The following ADAMTSL1 variants were observed in gnomAD, a reference collection of about 807,000 sequenced individuals.
ADAMTSL1 encodes ADAMTS-like protein 1.
In ADAMTSL1, 126 loss-of-function variants were observed where a neutral mutation model predicts 201.8. The observed-to-expected ratio is 0.62, with a 90% CI of 0.54 to 0.72. The LOEUF (loss-of-function observed/expected upper bound fraction) is 0.72. Among genes scored for constraint, ADAMTSL1 ranks in the 30% least tolerant of loss-of-function variants. The pLI, the probability that ADAMTSL1 is intolerant of heterozygous loss-of-function variation, is 0.00. For synonymous variants in ADAMTSL1, 1,121 were observed against 903.4 expected, an observed-to-expected ratio of 1.24 and a Z score of -4.32; for missense variants, 2,679 against 2,277.8, an observed-to-expected ratio of 1.18 and a Z score of -3.59.
chr9:18,864,718 A>G (rs1477000433), intron 23 of ADAMTSL1, among the ~76,000 whole-genome samples: 1 of 152,188 alleles, frequency 6.6e-6, no homozygotes, highest in Non-Finnish European at 1.5e-5. Flanking sequence ...ACAGAAGCCA[A>G]TGTAAAATCA....
intron 2 of ADAMTSL1, among the ~76,000 whole-genome samples, chr9:18,405,057 C>G (rs1372949798): frequency 1.3e-5 from 2 of 152,130 alleles, no homozygotes; most frequent in Non-Finnish European, 2.9e-5. Context: ...CCGCAACTGG[C>G]CCCTAAATAC....
chr9:18,595,756 C>G (rs1374285070), intron 4 of ADAMTSL1, among the ~76,000 whole-genome samples: 2 of 152,228 alleles, frequency 1.3e-5, no homozygotes, highest in African/African-American at 4.8e-5. Flanking sequence ...TTCTGGACCC[C>G]TTGGCAGATG....
rs1330615801 is a variant in ADAMTSL1, at chr9:18,051,077, A to G, written c.88-112785A>G. Among the ~76,000 whole-genome samples, 3 of 152,146 alleles carry G rather than the reference A, an allele frequency of 2.0e-5. No individual in the cohort carries two copies. The East Asian group carries it at 5.8e-4, about 29-fold the overall frequency. Reference sequence around the variant, plus strand: ...AGCACTTTGGGAGGCCAAGGCGGGCAGATCATGAGGTCAGGAGATGGAGAC... The same window carrying G: ...AGCACTTTGGGAGGCCAAGGCGGGCGGATCATGAGGTCAGGAGATGGAGAC... On this transcript the variant is annotated intron_variant, in intron 1 of 29. Transcript: ENST00000680146.
intron 3 of ADAMTSL1, among the ~76,000 whole-genome samples, chr9:18,540,469 T>G (rs1438121407): frequency 6.6e-6 from 1 of 152,182 alleles, no homozygotes; most frequent in Non-Finnish European, 1.5e-5. Flanking sequence ...CATTTAAATG[T>G]CCTTAGTATG....
At chr9:18,706,515 GTCTTGCAGCTGGGAGT>G (rs1376532137) in intron 13 of ADAMTSL1, 113 of 501,202 alleles carry the variant, frequency 2.3e-4, no homozygotes, top group Non-Finnish European at 3.6e-4. Context: ...TCTCTGGAAT[GTCTTGCAGCTGGGAGT>G]TCATGTGACA....
chr9:18,199,691 GATA>G (rs1829351779), intron 2 of ADAMTSL1, among the ~76,000 whole-genome samples: 1 of 152,044 alleles, frequency 6.6e-6, no homozygotes, highest in Non-Finnish European at 1.5e-5. Flanking sequence ...GATGCTGGTG[GATA>G]TATTTGAGTT....
chr9:18,639,231 T>C, intron 6 of ADAMTSL1, 23 bp from the exon 7 acceptor site: 1 of 1,611,686 alleles, frequency 6.2e-7, no homozygotes, highest in South Asian at 1.1e-5. Flanking sequence ...CTTTCTCTCA[T>C]CTTCACGTGT....
chr9:18,258,578 A>G (rs1306235143), intron 2 of ADAMTSL1, among the ~76,000 whole-genome samples: 1 of 152,092 alleles, frequency 6.6e-6, no homozygotes, highest in African/African-American at 2.4e-5. Flanking sequence ...AGAGACAATC[A>G]CATTCCTGTG....
chr9:17,954,939 T>G (rs1052028778), intron 1 of ADAMTSL1, among the ~76,000 whole-genome samples: 3 of 152,146 alleles, frequency 2.0e-5, no homozygotes, highest in African/African-American at 7.2e-5. Context: ...GGGCTGCTCT[T>G]GAACTCCAGA....
At chr9:18,447,387 G>A (rs989946963) in intron 2 of ADAMTSL1, among the ~76,000 whole-genome samples, 1 of 152,166 alleles carries the variant, frequency 6.6e-6, no homozygotes, top group African/African-American at 2.4e-5. Flanking sequence ...AAAGTGTTCA[G>A]TGCCGGTAGG....
intron 2 of ADAMTSL1, among the ~76,000 whole-genome samples, chr9:18,514,287 G>A (rs1457501505): frequency 7.3e-6 from 1 of 137,660 alleles, no homozygotes; most frequent in Non-Finnish European, 1.6e-5. Context: ...TTTGTGGATA[G>A]TTTGTTATTA....
intron 1 of ADAMTSL1, among the ~76,000 whole-genome samples, chr9:18,149,386 G>T: frequency 6.6e-6 from 1 of 152,044 alleles, no homozygotes; most frequent in East Asian, 1.9e-4. Context: ...TTGGAGACGA[G>T]TCTATAGGGA....
At chr9:18,179,717 T>C (rs1828365680) in intron 2 of ADAMTSL1, among the ~76,000 whole-genome samples, 1 of 152,074 alleles carries the variant, frequency 6.6e-6, no homozygotes, top group South Asian at 2.1e-4. Flanking sequence ...TGGGGACCAA[T>C]ATTCAACATT....
intron 3 of ADAMTSL1, among the ~76,000 whole-genome samples, chr9:18,546,295 G>C (rs1421894989): frequency 2.6e-5 from 4 of 152,082 alleles, no homozygotes; most frequent in Admixed American, 2.0e-4. Context: ...GAAGGCTAAA[G>C]AGGCATTATT....
At chr9:18,131,091 C>T (rs1202626943) in intron 1 of ADAMTSL1, among the ~76,000 whole-genome samples, 2 of 152,124 alleles carry the variant, frequency 1.3e-5, no homozygotes, top group East Asian at 1.9e-4. Flanking sequence ...CTGCCATCCT[C>T]GAGAAAGGCC....
intron 1 of ADAMTSL1, among the ~76,000 whole-genome samples, chr9:18,005,337 G>A (rs1301541834): frequency 6.6e-6 from 1 of 152,072 alleles, no homozygotes. Context: ...GAAGGAAGCT[G>A]AAGGATGAGA....
chr9:18,490,723 G>A (rs1331471744), intron 1 of ADAMTSL1, among the ~76,000 whole-genome samples: 1 of 152,126 alleles, frequency 6.6e-6, no homozygotes, highest in African/African-American at 2.4e-5. Context: ...GGGAGAACTC[G>A]CTGCCAAAGA....
chr9:18,735,748 C>CTTTTCTTTTCTTTTTTTTTTTT (rs762386875), intron 15 of ADAMTSL1, among the ~76,000 whole-genome samples: 3 of 106,686 alleles, frequency 2.8e-5, no homozygotes, highest in Non-Finnish European at 3.8e-5. Context: ...ATTCTTTTTT[C>CTTTTCTTTTCTTTTTTTTTTTT]TTTTTTTTTT....
At chr9:17,964,126 T>C (rs1386002301) in intron 1 of ADAMTSL1, among the ~76,000 whole-genome samples, 1 of 152,194 alleles carries the variant, frequency 6.6e-6, no homozygotes, top group African/African-American at 2.4e-5. Context: ...GTTTACAAAC[T>C]TAGTTATTAG....
Sources: gnomAD v4.1 joint callset for allele counts (sites outside exome capture counted in the v4.1 genomes callset) on GRCh38, gnomAD v4.1.1 for gene constraint, MANE v1.5 for transcripts, NCBI Gene and HGNC (gene_info 2026-07-23, HGNC 2026-07-21) for gene names.